KCNH8: variants seen among roughly 807,000 people sequenced by gnomAD.
KCNH8 encodes voltage-gated delayed rectifier potassium channel KCNH8.
KCNH8 carries 70 observed loss-of-function variants against 103.6 expected under a neutral mutation model. The ratio of observed to expected loss-of-function variants is 0.68; its 90% confidence interval spans 0.56 to 0.82. KCNH8 has a LOEUF of 0.82. Ranked by LOEUF, KCNH8 falls within the 40% of genes least tolerant of loss-of-function variation. The probability of loss-of-function intolerance (pLI) is 0.00; values close to 1 mark genes in which losing one functional copy is unlikely to be tolerated. For missense variants in KCNH8, 1,217 were observed against 1,329.9 expected (o/e 0.92, Z 1.32); for synonymous variants, 498 against 489.4 (o/e 1.02, Z -0.23).
chr3:19,396,283 G>T (rs1422479523), intron 7 of KCNH8, among the ~76,000 whole-genome samples: 1 of 151,952 alleles, frequency 6.6e-6, no homozygotes, highest in African/African-American at 2.4e-5. Flanking sequence ...GCACTTAATG[G>T]CTGGACATAT....
chr3:19,489,286 A>G (rs1200130594), intron 11 of KCNH8, among the ~76,000 whole-genome samples: 1 of 151,836 alleles, frequency 6.6e-6, no homozygotes, highest in African/African-American at 2.4e-5. Flanking sequence ...TGGTGTTGGG[A>G]CAGACAGGAC....
chr3:19,467,886 C>T (rs2067775368), intron 11 of KCNH8, among the ~76,000 whole-genome samples: 1 of 152,154 alleles, frequency 6.6e-6, no homozygotes, highest in Admixed American at 6.5e-5. Flanking sequence ...TTGCCTCCAG[C>T]ATTACACTCC....
intron 15 of KCNH8, among the ~76,000 whole-genome samples, chr3:19,525,133 C>G (rs2069041749): frequency 6.6e-6 from 1 of 151,828 alleles, no homozygotes; most frequent in African/African-American, 2.4e-5. Context: ...ATAAGCTCAA[C>G]TTAGTCATTC....
At chr3:19,331,240 TTTAA>T (rs2065501684) in intron 3 of KCNH8, among the ~76,000 whole-genome samples, 1 of 143,936 alleles carries the variant, frequency 6.9e-6, no homozygotes. Context: ...GACTTCTTTC[TTTAA>T]TTATTTTTAT....
At chr3:19,462,173 G>A (rs2125193457) in intron 11 of KCNH8, among the ~76,000 whole-genome samples, 1 of 152,224 alleles carries the variant, frequency 6.6e-6, no homozygotes, top group East Asian at 1.9e-4. Context: ...GGGATCACTG[G>A]GTCAAATGGT....
intron 1 of KCNH8, among the ~76,000 whole-genome samples, chr3:19,195,367 C>T (rs1198924029): frequency 6.6e-6 from 1 of 151,842 alleles, no homozygotes; most frequent in Non-Finnish European, 1.5e-5. Flanking sequence ...AACTTCTTGG[C>T]CCTGGTATCA....
At chr3:19,279,857 A>C (rs1450618147) in intron 2 of KCNH8, among the ~76,000 whole-genome samples, 2 of 152,132 alleles carry the variant, frequency 1.3e-5, no homozygotes, top group Non-Finnish European at 2.9e-5. Flanking sequence ...ATGAGGTCTA[A>C]TACAGTGTAT....
chr3:19,271,448 G>A (rs2064587225), intron 2 of KCNH8, among the ~76,000 whole-genome samples: 2 of 152,054 alleles, frequency 1.3e-5, no homozygotes, highest in Non-Finnish European at 2.9e-5. Flanking sequence ...ATTTAACAAT[G>A]AAATGTTTCA....
chr3:19,516,946 T>C (rs943821036), intron 14 of KCNH8, among the ~76,000 whole-genome samples: 5 of 152,106 alleles, frequency 3.3e-5, no homozygotes, highest in Middle Eastern at 3.4e-3. Flanking sequence ...AGTGTGAAAT[T>C]CAAACCTATT....
chr3:19,535,449 G>A lies in KCNH8; in HGVS notation c.*1350G>A, dbSNP rs17006048. On this transcript the variant is annotated 3_prime_UTR_variant, in exon 16 of 16. Coordinates refer to ENST00000328405, the MANE Select transcript of KCNH8 (RefSeq NM_144633.3). ...ATGCTCCCTACATCTCACACTAACA[G>A]GCAAATTCAGATGCTGGGATTGGCA... 5,930 of 152,184 alleles carry A rather than the reference G, an allele frequency of 0.039. 300 individuals carry two copies. The highest frequency in any genetic ancestry group is 0.26 in the East Asian group (1,352 of 5,164). The allele number at this position is 152,184 out of a possible 1,614,324, so 9.4% of individuals were successfully genotyped here.
At chr3:19,458,323 T>C (rs2067565536) in intron 11 of KCNH8, among the ~76,000 whole-genome samples, 2 of 151,918 alleles carry the variant, frequency 1.3e-5, no homozygotes, top group Non-Finnish European at 2.9e-5. Context: ...AAAATGACAA[T>C]TGTTTTGAAA....
intron 3 of KCNH8, among the ~76,000 whole-genome samples, chr3:19,305,838 T>C (rs2065123076): frequency 2.0e-5 from 3 of 152,016 alleles, no homozygotes; most frequent in Non-Finnish European, 2.9e-5. Context: ...CTTACCTTGC[T>C]GCAAAACGAA....
At chr3:19,488,388 A>G (rs960019699) in intron 11 of KCNH8, among the ~76,000 whole-genome samples, 3 of 152,084 alleles carry the variant, frequency 2.0e-5, no homozygotes, top group African/African-American at 4.8e-5. Context: ...TCACAAACAA[A>G]CACTTGATTG....
At chr3:19,327,010 A>G (rs1032682575) in intron 3 of KCNH8, among the ~76,000 whole-genome samples, 1 of 152,018 alleles carries the variant, frequency 6.6e-6, no homozygotes, top group African/African-American at 2.4e-5. Flanking sequence ...GGGTCATTCC[A>G]TTGTCTAAGA....
intron 7 of KCNH8, among the ~76,000 whole-genome samples, chr3:19,400,020 G>A (rs192410480): frequency 3.6e-4 from 55 of 151,734 alleles, no homozygotes; most frequent in African/African-American, 1.3e-3. Context: ...CTGTGCGGGA[G>A]TCCTAACTTC....
Position 19,342,714 on chromosome 3 carries a change from C to G in KCNH8, c.570C>G (p.Asn190Lys). 2.5e-6 allele frequency: 4 copies of G among 1,603,088 alleles called. No individual in the cohort carries two copies. Among genetic ancestry groups the G allele is most frequent in the Middle Eastern group, 3.3e-4 (2 of 5,986 alleles). ...RREKNKLKIN[N>K]NVFVDKPAFP... ...AAAAGAACAAATTGAAAATAAATAA[C>G]GTAGGTGGTATGTGTGTACAGGATG... Residue 190 changes from asparagine (N) to lysine (K), a missense_variant and splice_region_variant, in exon 4 of 16, where the codon AAC becomes AAG. Coordinates refer to ENST00000328405, the MANE Select transcript of KCNH8 (RefSeq NM_144633.3).
At chr3:19,165,280 A>G (rs1386961313) in intron 1 of KCNH8, among the ~76,000 whole-genome samples, 1 of 152,240 alleles carries the variant, frequency 6.6e-6, no homozygotes. Flanking sequence ...CACGAACCTA[A>G]TAGAATGACA....
intron 11 of KCNH8, among the ~76,000 whole-genome samples, chr3:19,478,097 T>G (rs1318864434): frequency 6.6e-6 from 1 of 152,150 alleles, no homozygotes; most frequent in Non-Finnish European, 1.5e-5. Flanking sequence ...ATAATTTTAT[T>G]TTTTATGGCC....
At chr3:19,409,170 T>A (rs2066738286) in intron 7 of KCNH8, among the ~76,000 whole-genome samples, 1 of 152,156 alleles carries the variant, frequency 6.6e-6, no homozygotes, top group Admixed American at 6.6e-5. Context: ...ACAGCAGACT[T>A]GTCAGAAAAA....
Sources: gnomAD v4.1 joint callset for allele counts (sites outside exome capture counted in the v4.1 genomes callset) on GRCh38, gnomAD v4.1.1 for gene constraint, MANE v1.5 for transcripts, NCBI Gene and HGNC (gene_info 2026-07-23, HGNC 2026-07-21) for gene names.